The following KIF14 variants were observed in gnomAD, a reference collection of about 807,000 sequenced individuals.
KIF14 encodes kinesin-like protein KIF14.
A neutral mutation model predicts 176.2 loss-of-function variants in KIF14; 98 were observed. That is an observed-to-expected ratio of 0.56 (90% confidence interval 0.47 to 0.66). KIF14 has a LOEUF of 0.66. Ranked by LOEUF, KIF14 falls within the 30% of genes least tolerant of loss-of-function variation. KIF14 has a pLI of 0.00. For synonymous variants in KIF14, 566 were observed against 632.2 expected (o/e 0.90, Z 1.57); for missense variants, 1,751 against 1,920.4 (o/e 0.91, Z 1.65).
At chr1:200,610,191 T>A (rs928525365) in intron 4 of KIF14, among the ~76,000 whole-genome samples, 1 of 152,156 alleles carries the variant, frequency 6.6e-6, no homozygotes, top group Admixed American at 6.6e-5. Flanking sequence ...TGATGTTATG[T>A]GAATTTGATC....
At chr1:200,606,468 A>T (rs1004831489) in intron 6 of KIF14, among the ~76,000 whole-genome samples, 1 of 152,224 alleles carries the variant, frequency 6.6e-6, no homozygotes, top group Non-Finnish European at 1.5e-5. Flanking sequence ...AGAAAGAAAA[A>T]GCAAATATTT....
chr1:200,563,171 G>C (rs1657255012), intron 25 of KIF14, among the ~76,000 whole-genome samples: 1 of 152,004 alleles, frequency 6.6e-6, no homozygotes, highest in South Asian at 2.1e-4. Context: ...ATCCCAGCTA[G>C]TAAATAGCCC....
At chr1:200,598,161 T>C in intron 14 of KIF14, 76 bp downstream of exon 14, 3 of 1,258,832 alleles carry the variant, frequency 2.4e-6, no homozygotes, top group Non-Finnish European at 2.3e-6. Context: ...TCAACGAATA[T>C]GCCATATGAA....
intron 4 of KIF14, among the ~76,000 whole-genome samples, chr1:200,611,859 GAGAA>G (rs1386610290): frequency 1.3e-5 from 2 of 152,130 alleles, no homozygotes; most frequent in African/African-American, 4.8e-5. Context: ...ACAAACCTAT[GAGAA>G]AGACATTGTC....
intron 17 of KIF14, 44 bp downstream of exon 17, chr1:200,590,081 G>T: frequency 6.4e-7 from 1 of 1,566,484 alleles, no homozygotes; most frequent in Non-Finnish European, 8.6e-7. Context: ...ATCACTTGGG[G>T]TACACTGTCG....
At chr1:200,586,792 T>TATATATATATATATAC (rs1215508269) in intron 18 of KIF14, among the ~76,000 whole-genome samples, 2 of 9,626 alleles carry the variant, frequency 2.1e-4, no homozygotes, top group Non-Finnish European at 3.8e-4. Context: ...TATACATACA[T>TATATATATATATATAC]ATATATATAT....
At chr1:200,577,496 A>C (rs1192053545) in intron 21 of KIF14, among the ~76,000 whole-genome samples, 1 of 151,294 alleles carries the variant, frequency 6.6e-6, no homozygotes, top group African/African-American at 2.4e-5. Flanking sequence ...AGCTGTGTTG[A>C]TATTAAGATT....
At chr1:200,582,749 C>G (rs1658529697) in intron 19 of KIF14, among the ~76,000 whole-genome samples, 1 of 151,822 alleles carries the variant, frequency 6.6e-6, no homozygotes, top group African/African-American at 2.4e-5. Flanking sequence ...ACTCGGGAGG[C>G]TGAGGCAGGA....
intron 25 of KIF14, among the ~76,000 whole-genome samples, chr1:200,564,259 TC>T (rs1657320724): frequency 1.4e-5 from 1 of 70,648 alleles, no homozygotes. Context: ...AGACTCCAGC[TC>T]AAAAAAAAAA....
chr1:200,592,054 C>T lies in KIF14; in HGVS notation c.2813+26G>A, dbSNP rs764577795. Reference sequence around the variant, plus strand: ...GTTGTAGATCTCTCTCATACACTTACTATTTCATATCAACAGCATACTTAC... The same window carrying T: ...GTTGTAGATCTCTCTCATACACTTATTATTTCATATCAACAGCATACTTAC... On this transcript the variant is annotated intron_variant, in intron 16 of 29. Coordinates refer to ENST00000367350, the MANE Select transcript of KIF14 (RefSeq NM_014875.3). 1.5e-5 allele frequency: 24 copies of T among 1,587,238 alleles called. No homozygotes were observed. The South Asian group carries it at 1.6e-4, about 10-fold the overall frequency.
intron 23 of KIF14, among the ~76,000 whole-genome samples, chr1:200,568,045 T>C (rs1558052009): frequency 6.6e-6 from 1 of 152,136 alleles, no homozygotes. Context: ...GTAAAATATA[T>C]GGCCCTGAAT....
intron 23 of KIF14, 85 bp downstream of exon 23, chr1:200,569,826 T>G: frequency 1.4e-6 from 1 of 695,928 alleles, no homozygotes. Flanking sequence ...ATGAAATGAT[T>G]TGCACACGGA....
At chr1:200,615,156 G>T (rs758018514) in intron 3 of KIF14, among the ~76,000 whole-genome samples, 199 bp downstream of exon 3, 1 of 152,168 alleles carries the variant, frequency 6.6e-6, no homozygotes, top group Non-Finnish European at 1.5e-5. Flanking sequence ...AAGATGAATT[G>T]TATCAAGGTA....
intron 20 of KIF14, among the ~76,000 whole-genome samples, 170 bp from the exon 21 acceptor site, chr1:200,580,553 A>G (rs955587045): frequency 1.3e-5 from 2 of 152,044 alleles, no homozygotes; most frequent in African/African-American, 4.8e-5. Context: ...AAAACATATA[A>G]AAATAACAAA....
chr1:200,617,701 T>C lies in KIF14; in HGVS notation c.1023A>G (p.Val341=), dbSNP rs1660469999. 6.2e-7 allele frequency: 1 copy of C among 1,614,116 alleles called. No homozygotes were observed. Among genetic ancestry groups the C allele is most frequent in the South Asian group, 1.1e-5 (1 of 91,092 alleles). Residue 341 remains valine (V), a synonymous_variant, in exon 2 of 30, where the codon GTA becomes GTG. Coordinates refer to ENST00000367350, the MANE Select transcript of KIF14 (RefSeq NM_014875.3). ...CTTTTCCTGCAGAGGTGTTCTGAAC[T>C]ACAGTTTCTTCTTCGGGAAGAATTG... ...ENTILPEEET[V]VQNTSAGKDP...
At chr1:200,592,855 C>T (rs1305948028) in intron 15 of KIF14, among the ~76,000 whole-genome samples, 2 of 152,134 alleles carry the variant, frequency 1.3e-5, no homozygotes, top group Non-Finnish European at 2.9e-5. Flanking sequence ...CAAACCTGTA[C>T]AGCATGTTAC....
chr1:200,601,957 T>G lies in KIF14; in HGVS notation c.2091A>C (p.Gln697His). 6.2e-7 allele frequency: 1 copy of G among 1,613,838 alleles called. No homozygotes were observed. Among genetic ancestry groups the G allele is most frequent in the Non-Finnish European group, 8.5e-7 (1 of 1,179,778 alleles). ...TAGCAATGTTGACTATTAAACGGGC[T>G]TGGTTAGCATATCTAAGTGTGCTTA... Reference protein sequence around the residue: ...ETLSTLRYANQARLIVNIAKV... With the variant: ...ETLSTLRYANHARLIVNIAKV... Residue 697 changes from glutamine to histidine, a missense_variant, in exon 11 of 30, where the codon CAA becomes CAC. Gln to His is a conservative substitution (Grantham distance 24). Transcript: ENST00000367350.
chr1:200,574,937 A>ATTT (rs35584654), intron 22 of KIF14, among the ~76,000 whole-genome samples: 3,679 of 110,534 alleles, frequency 0.033, 134 homozygotes, highest in Middle Eastern at 0.052. Flanking sequence ...AGAAAGGGTA[A>ATTT]TTTTTTTTTT....
In KIF14 at chr1:200,565,450, T is replaced by C. The variant is rs1657394368; in HGVS notation, c.3881A>G (p.Asp1294Gly). 1.3e-6 allele frequency: 2 copies of C among 1,586,752 alleles called. No homozygotes were observed. Among genetic ancestry groups the C allele is most frequent in the Non-Finnish European group, 1.7e-6 (2 of 1,170,126 alleles). The change falls in exon 24 of 30, where the codon GAT (aspartate) becomes GGT (glycine). Residue 1294 changes from aspartate to glycine, a missense_variant. Transcript: ENST00000367350. ...AAAGCAGTGAGATTGCTTACAGTTA[T>C]CTTGACTTTCTTCATCTTGTTCTTC... ...AHEEQDEESQ[D>G]NLFSSDRAIQ...
Sources: gnomAD v4.1 joint callset for allele counts (sites outside exome capture counted in the v4.1 genomes callset) on GRCh38, gnomAD v4.1.1 for gene constraint, MANE v1.5 for transcripts, NCBI Gene and HGNC (gene_info 2026-07-23, HGNC 2026-07-21) for gene names.